The following ALG13 variants were observed in gnomAD, a reference collection of about 807,000 sequenced individuals.
ALG13 encodes UDP-N-acetylglucosamine transferase subunit ALG13.
Under a neutral mutation model 87.8 loss-of-function variants are expected in ALG13, and 11 were observed. The ratio of observed to expected loss-of-function variants is 0.13; its 90% CI spans 0.08 to 0.21. The LOEUF is 0.21. Ranked by LOEUF, ALG13 falls within the 10% of genes least tolerant of loss-of-function variation. The probability of loss-of-function intolerance (pLI) is 1.00; values close to 1 mark genes in which losing one functional copy is unlikely to be tolerated. For missense variants in ALG13, 756 were observed against 866.1 expected (o/e 0.87, Z 1.60); for synonymous variants, 320 against 306.3 (o/e 1.04, Z -0.47).
chrX:111,700,038 G>GT (rs779900750), intron 3 of ALG13, among the ~76,000 whole-genome samples: 7,328 of 78,639 alleles, frequency 0.093, 763 homozygotes, highest in African/African-American at 0.28. Context: ...TTATTTGTGG[G>GT]TTTTTTTTTT....
At chrX:111,723,328 C>T (rs1466523854) in intron 13 of ALG13, among the ~76,000 whole-genome samples, 1 of 109,200 alleles carries the variant, frequency 9.2e-6, no homozygotes, top group Non-Finnish European at 1.9e-5. Flanking sequence ...TTAGTAGAGA[C>T]GTGGTTCCAC....
chrX:111,727,049 T>G lies in ALG13; in HGVS notation c.1970T>G (p.Met657Arg). Residue 657 changes from methionine (M) to arginine (R), a missense_variant, in exon 16 of 27, where the codon ATG becomes AGG. Coordinates refer to ENST00000394780, the MANE Select transcript of ALG13 (RefSeq NM_001099922.3). ...PSPRQGRGYGMPRNSSRFINR... is the reference protein window; with the variant it reads ...PSPRQGRGYGRPRNSSRFINR... ...CCGAGACAAGGTCGGGGATATGGGATGCCCAGGTAAGACATTGACAGATTT... is the reference window on the plus strand; with the variant it reads ...CCGAGACAAGGTCGGGGATATGGGAGGCCCAGGTAAGACATTGACAGATTT... The G allele has an allele frequency of 8.3e-7, 1 of 1,211,317 alleles. No individual in the cohort carries two copies. Among genetic ancestry groups the G allele is most frequent in the South Asian group, 1.8e-5 (1 of 56,919 alleles).
At chrX:111,684,327 T>C (rs1339809154) in intron 2 of ALG13, among the ~76,000 whole-genome samples, 2 of 110,533 alleles carry the variant, frequency 1.8e-5, no homozygotes, top group South Asian at 7.8e-4. Context: ...GCTTTTTTTT[T>C]TCCTTTTTTT....
At chrX:111,755,506 T>C (rs143195892) in intron 25 of ALG13, among the ~76,000 whole-genome samples, 343 of 112,123 alleles carry the variant, frequency 3.1e-3, no homozygotes, top group African/African-American at 0.011. Flanking sequence ...ACCTACAGAA[T>C]GGGAGAAAAG....
At chrX:111,691,276 T>G (rs1349597309) in intron 3 of ALG13, among the ~76,000 whole-genome samples, 2 of 110,036 alleles carry the variant, frequency 1.8e-5, no homozygotes, top group Non-Finnish European at 3.8e-5. Flanking sequence ...AATTTTTGTA[T>G]TTTTAGTAGA....
At chrX:111,746,166 T>G (rs1944222064) in intron 24 of ALG13, among the ~76,000 whole-genome samples, 1 of 112,004 alleles carries the variant, frequency 8.9e-6, no homozygotes. Context: ...AGTAGTTTTT[T>G]CCTTTTGATG....
chrX:111,722,744 G>A, intron 12 of ALG13, 49 bp from the exon 13 acceptor site: 1 of 912,445 alleles, frequency 1.1e-6, no homozygotes. Context: ...AAATGATATA[G>A]GAAAGGAACC....
intron 24 of ALG13, among the ~76,000 whole-genome samples, chrX:111,746,603 G>T (rs1226846584): frequency 8.9e-6 from 1 of 111,753 alleles, no homozygotes; most frequent in Non-Finnish European, 1.9e-5. Flanking sequence ...CCAGTTTGGG[G>T]CTGTTACAAA....
At chrX:111,687,523 C>CT (rs1935276599) in intron 3 of ALG13, among the ~76,000 whole-genome samples, 1 of 111,922 alleles carries the variant, frequency 8.9e-6, no homozygotes, top group Non-Finnish European at 1.9e-5. Flanking sequence ...GCAGCTATTA[C>CT]TTTTGGTTTC....
rs1602888750 is a variant in ALG13, at chrX:111,744,762, A to T, written c.2790A>T (p.Pro930=). Residue 930 remains proline, a synonymous_variant, in exon 24 of 27, where the codon CCA becomes CCT. Coordinates refer to ENST00000394780, the MANE Select transcript of ALG13 (RefSeq NM_001099922.3). The stretch of plus-strand genomic sequence containing the variant: ...CACCACCACCACCACCACCACCACC[A>T]CCACCACCTCCTCCTCCTCCTCCTC... ...PPPPPPPPPP[P]PPPPPPPPPP... The T allele has an allele frequency of 1.1e-6, 1 of 884,122 alleles. No homozygotes were observed. The highest frequency in any genetic ancestry group is 1.5e-6 in the Non-Finnish European group (1 of 678,372). The allele number at this position is 884,122 out of a possible 1,213,427, so 72.9% of individuals were successfully genotyped here. A position where few individuals can be genotyped will look rare whatever the true frequency, so the allele number is the denominator to read the frequency against.
intron 23 of ALG13, among the ~76,000 whole-genome samples, chrX:111,743,200 C>CT (rs1412705980): frequency 9.1e-6 from 1 of 110,472 alleles, no homozygotes; most frequent in East Asian, 2.8e-4. Flanking sequence ...TCTCCATTTG[C>CT]TTTTTTTTAA....
At chrX:111,713,612 A>G (rs1244467413) in intron 8 of ALG13, among the ~76,000 whole-genome samples, 3 of 111,606 alleles carry the variant, frequency 2.7e-5, no homozygotes, top group Non-Finnish European at 5.7e-5. Context: ...AACCAGCTTC[A>G]TTTTCTTCCA....
chrX:111,760,078 T>G lies in ALG13; in HGVS notation c.*79T>G. The G allele has an allele frequency of 1.0e-6, 1 of 998,636 alleles. No homozygotes were observed. The highest frequency in any genetic ancestry group is 1.4e-6 in the Non-Finnish European group (1 of 739,053). 82.3% of individuals were successfully genotyped at this position (998,636 alleles called of 1,213,427 possible). A position where few individuals can be genotyped will look rare whatever the true frequency, so the allele number is the denominator to read the frequency against. On this transcript the variant is annotated 3_prime_UTR_variant, in exon 27 of 27. Coordinates refer to ENST00000394780, the MANE Select transcript of ALG13 (RefSeq NM_001099922.3). ...TTAAAAAGTATTTTATGTTAGTGGT[T>G]AAATGATTTAGGTGATTAGTGTTTA...
intron 7 of ALG13, 82 bp downstream of exon 7, chrX:111,712,612 G>A: frequency 1.9e-6 from 1 of 521,091 alleles, no homozygotes; most frequent in South Asian, 6.7e-5. Context: ...TCAGGATTGG[G>A]GAAATTTGAG....
At chrX:111,734,804 A>T (rs1189490523) in intron 21 of ALG13, among the ~76,000 whole-genome samples, 2 of 111,326 alleles carry the variant, frequency 1.8e-5, no homozygotes, top group Admixed American at 9.6e-5. Flanking sequence ...GATTTCAATT[A>T]TCAGTTACAT....
intron 4 of ALG13, 133 bp downstream of exon 4, chrX:111,708,526 G>A (rs1382579046): frequency 2.0e-5 from 15 of 761,681 alleles, no homozygotes; most frequent in Admixed American, 3.1e-5. Flanking sequence ...CAAGGTCCTA[G>A]AGAGAAGCTG....
At chrX:111,738,593 C>A (rs1027440004) in intron 23 of ALG13, among the ~76,000 whole-genome samples, 6 of 111,511 alleles carry the variant, frequency 5.4e-5, no homozygotes, top group African/African-American at 2.0e-4. Context: ...GGCTGGAGTG[C>A]AGTGACATGA....
rs766656613 is a variant in ALG13, at chrX:111,728,223, A to G, written c.2286A>G (p.Ser762=). ...CCTCTACAATGGTTCCTGCTACTTC[A>G]GGATACTGTGTTGGAAGGCGGGGAC... ...GGPSTMVPAT[S]GYCVGRRGHS... Residue 762 remains serine, a synonymous_variant, in exon 19 of 27, where the codon TCA becomes TCG. Transcript: ENST00000394780. 31 of 1,211,354 alleles carry G rather than the reference A, an allele frequency of 2.6e-5. No individual in the cohort carries two copies. The highest frequency in any genetic ancestry group is 3.2e-5 in the Non-Finnish European group (29 of 895,162).
chrX:111,749,278 T>C (rs1944508541), intron 24 of ALG13, among the ~76,000 whole-genome samples: 1 of 111,041 alleles, frequency 9.0e-6, no homozygotes. Flanking sequence ...TCTCCAGTAT[T>C]CCAGCAGTAC....
Sources: gnomAD v4.1 joint callset for allele counts (sites outside exome capture counted in the v4.1 genomes callset) on GRCh38, gnomAD v4.1.1 for gene constraint, MANE v1.5 for transcripts, NCBI Gene and HGNC (gene_info 2026-07-23, HGNC 2026-07-21) for gene names.